NTM: variants seen among roughly 807,000 people sequenced by gnomAD.
NTM encodes neurotrimin.
In NTM, 13 loss-of-function variants were observed where a neutral mutation model predicts 42.1. The ratio of observed to expected loss-of-function variants is 0.31; its 90% CI spans 0.20 to 0.49. NTM has a LOEUF of 0.49. Among genes scored for constraint, NTM ranks in the 20% least tolerant of loss-of-function variants. The probability of loss-of-function intolerance (pLI) is 0.99; values close to 1 mark genes in which losing one functional copy is unlikely to be tolerated. For synonymous variants in NTM, 187 were observed against 179.2 expected (o/e 1.04, Z -0.35); for missense variants, 373 against 452.8 (o/e 0.82, Z 1.60).
At chr11:132,286,010 T>C (rs748719019) in intron 4 of NTM, among the ~76,000 whole-genome samples, 8 of 152,150 alleles carry the variant, frequency 5.3e-5, no homozygotes, top group Non-Finnish European at 8.8e-5. Context: ...AGAGCTTCCA[T>C]CTGCAAGGAA....
intron 1 of NTM, among the ~76,000 whole-genome samples, chr11:131,581,051 G>T (rs2058362036): frequency 6.6e-6 from 1 of 152,166 alleles, no homozygotes; most frequent in African/African-American, 2.4e-5. Flanking sequence ...AAAGGGTGTG[G>T]GGTATGGGGT....
At chr11:132,311,265 T>C (rs530193963) in intron 6 of NTM, among the ~76,000 whole-genome samples, 1 of 152,296 alleles carries the variant, frequency 6.6e-6, no homozygotes, top group East Asian at 1.9e-4. Flanking sequence ...AAATTGAATT[T>C]TGTTTAGAAC....
At chr11:131,523,809 TAAG>T (rs933729099) in intron 1 of NTM, among the ~76,000 whole-genome samples, 12 of 130,616 alleles carry the variant, frequency 9.2e-5, no homozygotes, top group African/African-American at 2.4e-4. Context: ...AAAAAAAGAA[TAAG>T]AAGAAGAAAA....
At chr11:132,101,315 A>G (rs2061586423) in intron 2 of NTM, among the ~76,000 whole-genome samples, 1 of 152,178 alleles carries the variant, frequency 6.6e-6, no homozygotes, top group South Asian at 2.1e-4. Flanking sequence ...TCTAGGTGGC[A>G]TCCACCTGTG....
intron 1 of NTM, among the ~76,000 whole-genome samples, chr11:131,628,463 C>T (rs1356259157): frequency 1.3e-5 from 2 of 152,188 alleles, no homozygotes; most frequent in African/African-American, 4.8e-5. Flanking sequence ...AGCGCACAGA[C>T]ATTTTACAAG....
chr11:131,447,820 T>C (rs1277516970), intron 1 of NTM, among the ~76,000 whole-genome samples: 1 of 152,162 alleles, frequency 6.6e-6, no homozygotes, highest in East Asian at 1.9e-4. Flanking sequence ...CATTTGGGCC[T>C]CCAGCACAGA....
At chr11:132,312,198 T>A (rs2095301107) in intron 6 of NTM, among the ~76,000 whole-genome samples, 1 of 152,160 alleles carries the variant, frequency 6.6e-6, no homozygotes, top group South Asian at 2.1e-4. Flanking sequence ...CAAGGCATAT[T>A]GTGTCTGCCC....
intron 4 of NTM, among the ~76,000 whole-genome samples, chr11:132,237,315 G>A (rs2089188702): frequency 6.6e-6 from 1 of 151,980 alleles, no homozygotes; most frequent in South Asian, 2.1e-4. Flanking sequence ...GCTCCACGAG[G>A]GCCTTTCCAG....
At chr11:131,377,136 T>C (rs1239432411) in intron 1 of NTM, among the ~76,000 whole-genome samples, 2 of 152,104 alleles carry the variant, frequency 1.3e-5, no homozygotes, top group Non-Finnish European at 2.9e-5. Flanking sequence ...TCAATCCTTG[T>C]TTTGAGACAG....
intron 1 of NTM, among the ~76,000 whole-genome samples, chr11:131,579,196 G>A (rs1565660369): frequency 6.6e-6 from 1 of 152,180 alleles, no homozygotes; most frequent in East Asian, 1.9e-4. Context: ...ATGGGAAACA[G>A]AGGCTGGAAA....
At chr11:132,327,715 C>T (rs1450040045) in intron 7 of NTM, among the ~76,000 whole-genome samples, 2 of 152,122 alleles carry the variant, frequency 1.3e-5, no homozygotes, top group Non-Finnish European at 2.9e-5. Context: ...TGAATATTGA[C>T]TTAGAGATGG....
At chr11:132,318,511 C>T (rs1591988550) in intron 7 of NTM, among the ~76,000 whole-genome samples, 1 of 152,154 alleles carries the variant, frequency 6.6e-6, no homozygotes, top group Non-Finnish European at 1.5e-5. Context: ...TCCAGTCCTC[C>T]CCTGCAAATA....
At chr11:131,756,931 C>A (rs1046931055) in intron 1 of NTM, among the ~76,000 whole-genome samples, 2 of 152,258 alleles carry the variant, frequency 1.3e-5, no homozygotes, top group Non-Finnish European at 1.5e-5. Flanking sequence ...GAATCAGGGA[C>A]TATGTTTAGA....
intron 1 of NTM, among the ~76,000 whole-genome samples, chr11:131,903,769 C>T (rs1164592639): frequency 1.3e-5 from 2 of 152,170 alleles, no homozygotes; most frequent in Admixed American, 6.5e-5. Context: ...AGAGCTATTC[C>T]AGTGAGCTGG....
At chr11:131,583,617 C>T (rs1416092605) in intron 1 of NTM, among the ~76,000 whole-genome samples, 1 of 152,070 alleles carries the variant, frequency 6.6e-6, no homozygotes, top group Non-Finnish European at 1.5e-5. Flanking sequence ...TTAGTTATTC[C>T]ACCAAATATC....
intron 2 of NTM, among the ~76,000 whole-genome samples, chr11:131,999,367 C>T (rs1225176530): frequency 6.6e-6 from 1 of 152,172 alleles, no homozygotes; most frequent in Non-Finnish European, 1.5e-5. Flanking sequence ...TATCTTAGTA[C>T]TTGAGCAATG....
At chr11:131,589,925 C>T (rs562939546) in intron 1 of NTM, among the ~76,000 whole-genome samples, 36 of 152,272 alleles carry the variant, frequency 2.4e-4, no homozygotes, top group Admixed American at 1.4e-3. Context: ...ATTTCTTCTG[C>T]GCTAAAACCC....
chr11:132,112,718 T>TAA (rs2063377904), intron 2 of NTM, among the ~76,000 whole-genome samples: 2 of 142,072 alleles, frequency 1.4e-5, no homozygotes, highest in Non-Finnish European at 3.1e-5. Context: ...ACTGCACACT[T>TAA]ACACACACAC....
At chr11:132,250,602 T>C (rs2091833599) in intron 4 of NTM, among the ~76,000 whole-genome samples, 1 of 152,146 alleles carries the variant, frequency 6.6e-6, no homozygotes, top group Admixed American at 6.5e-5. Context: ...TTCACTTTTT[T>C]TTTTTTCGTT....
Sources: gnomAD v4.1 joint callset for allele counts (sites outside exome capture counted in the v4.1 genomes callset) on GRCh38, gnomAD v4.1.1 for gene constraint, MANE v1.5 for transcripts, NCBI Gene and HGNC (gene_info 2026-07-23, HGNC 2026-07-21) for gene names.